The following ZHX3 variants were observed in gnomAD, a reference collection of about 807,000 sequenced individuals.
ZHX3 encodes zinc fingers and homeoboxes 3, also known as zinc fingers and homeoboxes protein 3.
In ZHX3, 20 loss-of-function variants were observed where a neutral mutation model predicts 64.5. That is an observed-to-expected ratio of 0.31 (90% CI 0.22 to 0.45). ZHX3 has a LOEUF of 0.45. ZHX3 is among the 20% of genes least tolerant of loss of function. ZHX3 has a pLI of 1.00. For synonymous variants in ZHX3, 423 were observed against 461.6 expected, an observed-to-expected ratio of 0.92 and a Z score of 1.07; for missense variants, 1,041 against 1,195.8, an observed-to-expected ratio of 0.87 and a Z score of 1.91.
chr20:41,197,039 A>G (rs1004002263), intron 3 of ZHX3: 3 of 209,124 alleles, frequency 1.4e-5, no homozygotes, highest in South Asian at 1.9e-4. Flanking sequence ...AAGCAGCTCT[A>G]TGACACTGAT....
intron 1 of ZHX3, among the ~76,000 whole-genome samples, chr20:41,279,832 T>TATAGAACCATATG (rs2043581387): frequency 6.6e-6 from 1 of 152,056 alleles, no homozygotes; most frequent in Non-Finnish European, 1.5e-5. Flanking sequence ...ACTCTAAAAC[T>TATAGAACCATATG]GTGAATATAA....
In ZHX3 at chr20:41,302,518, G is replaced by A. The variant is rs536642740; in HGVS notation, c.-245+14991C>T. ...CTTCTCCATTCCCTCCTGGGGTTGC[G>A]CAGGTCCTGCACCTCACTCTTCTCA... is the stretch of plus-strand genomic sequence containing the variant. On this transcript the variant is annotated intron_variant, in intron 1 of 3. Transcript: ENST00000683867. Among the ~76,000 whole-genome samples the A allele has an allele frequency of 8.5e-4, 129 of 152,262 alleles. 1 individual carries two copies. Among genetic ancestry groups the A allele is most frequent in the South Asian group, 1.9e-3 (9 of 4,830 alleles).
At chr20:41,315,866 T>C (rs950155159) in intron 1 of ZHX3, among the ~76,000 whole-genome samples, 3 of 152,090 alleles carry the variant, frequency 2.0e-5, no homozygotes, top group African/African-American at 7.2e-5. Flanking sequence ...GTTTTTTTTG[T>C]TTTGTTTTGT....
At chr20:41,186,965 G>A (rs959031988) in intron 3 of ZHX3, among the ~76,000 whole-genome samples, 11 of 152,086 alleles carry the variant, frequency 7.2e-5, no homozygotes, top group Non-Finnish European at 1.5e-4. Flanking sequence ...AAAAGTTTTA[G>A]ATTTTGACGT....
At chr20:41,270,295 G>A (rs150914570) in intron 1 of ZHX3, among the ~76,000 whole-genome samples, 1 of 143,580 alleles carries the variant, frequency 7.0e-6, no homozygotes, top group Non-Finnish European at 1.5e-5. Context: ...CAGAAGACTT[G>A]AACCCAGGAA....
In ZHX3 at chr20:41,185,101, G is replaced by A. The variant is rs370636879; in HGVS notation, c.*90C>T. 1.1e-3 allele frequency: 1,698 copies of A among 1,572,110 alleles called. 37 individuals carry two copies. The South Asian group carries it at 0.016, about 15-fold the overall frequency. ...GTGCCCAGCAGCCGGGCATGGGAAC[G>A]GCATGTGGCAGCAGAGAGTCGGGTT... On this transcript the variant is annotated 3_prime_UTR_variant, in exon 4 of 4. Coordinates refer to ENST00000683867, the MANE Select transcript of ZHX3 (RefSeq NM_001384317.1). The surrounding 1 kb of genome is among the most constrained non-coding windows in gnomAD (Gnocchi z 5.0).
chr20:41,183,834 T>C lies in ZHX3; in HGVS notation c.*1357A>G, dbSNP rs933346421. The C allele has an allele frequency of 6.6e-6, 1 of 152,204 alleles. No homozygotes were observed. The highest frequency in any genetic ancestry group is 1.5e-5 in the Non-Finnish European group (1 of 68,036). 9.4% of individuals were successfully genotyped at this position (152,204 alleles called of 1,614,324 possible). ...TTGAGGATTTACCATTTAGAACAGC[T>C]CTGTAAGCAAGTTTTCTAATTTTCA... On this transcript the variant is annotated 3_prime_UTR_variant, in exon 4 of 4. Coordinates refer to ENST00000683867, the MANE Select transcript of ZHX3 (RefSeq NM_001384317.1). The surrounding 1 kb of genome is among the most constrained non-coding windows in gnomAD (Gnocchi z 5.3).
intron 1 of ZHX3, among the ~76,000 whole-genome samples, chr20:41,296,819 T>C (rs1438576777): frequency 6.6e-6 from 1 of 152,216 alleles, no homozygotes; most frequent in Non-Finnish European, 1.5e-5. Context: ...ATTCTACTTG[T>C]GGCGTATGCA....
chr20:41,302,234 G>A (rs538090680), intron 1 of ZHX3, among the ~76,000 whole-genome samples: 2 of 152,250 alleles, frequency 1.3e-5, no homozygotes, highest in African/African-American at 4.8e-5. Flanking sequence ...CCAGGCCCTA[G>A]CTCATTTCTC....
At position 41,204,161 on chromosome 20, in the gene ZHX3, G is replaced by A. The variant is rs111592779; in HGVS notation, c.756C>T (p.Ala252=). 3.6e-3 allele frequency: 5,739 copies of A among 1,608,116 alleles called. 172 individuals are homozygous for A. The African/African-American group carries it at 0.064, about 18-fold the overall frequency. ...ASASSAKNPH[A]ANGPLIGTVP... is the part of the protein sequence containing the mutation. Reference sequence around the variant, plus strand: ...CTGTTCCTATCAGGGGCCCGTTGGCGGCATGGGGGTTTTTTGCAGAGCTGG... The same window carrying A: ...CTGTTCCTATCAGGGGCCCGTTGGCAGCATGGGGGTTTTTTGCAGAGCTGG... Residue 252 remains alanine, a synonymous_variant, in exon 3 of 4, where the codon GCC becomes GCT. Transcript: ENST00000683867. This position sits in a 1 kb window ranked among gnomAD's most constrained non-coding sequence, Gnocchi z 6.6.
intron 1 of ZHX3, among the ~76,000 whole-genome samples, chr20:41,307,472 T>C (rs1305766485): frequency 6.6e-6 from 1 of 152,212 alleles, no homozygotes. Flanking sequence ...CATACCACTA[T>C]ATATCCCATT....
rs2040162431 is a variant in ZHX3, at chr20:41,224,855, TG to T, written c.-150-19790del. 2.0e-5 allele frequency among the ~76,000 whole-genome samples: 3 copies of T among 152,354 alleles called. No individual in the cohort carries two copies. In the South Asian group the frequency reaches 6.2e-4, roughly 32 times the overall value. On this transcript the variant is annotated intron_variant, in intron 2 of 3. Transcript: ENST00000683867. This position sits in a 1 kb window ranked among gnomAD's most constrained non-coding sequence, Gnocchi z 5.2. ...TTTGGGGGCTCCCCCAAATCCAAGC[TG>T]AATTATTCTCTATCACAGCATCCTA...
At chr20:41,193,317 C>G (rs1352679551) in intron 3 of ZHX3, among the ~76,000 whole-genome samples, 1 of 152,148 alleles carries the variant, frequency 6.6e-6, no homozygotes, top group Admixed American at 6.5e-5. Context: ...TTTAGGTTAT[C>G]TTTAATGTTT....
chr20:41,316,673 T>C (rs2045296676), intron 1 of ZHX3, among the ~76,000 whole-genome samples: 1 of 152,170 alleles, frequency 6.6e-6, no homozygotes, highest in African/African-American at 2.4e-5. Flanking sequence ...CACATAAGTT[T>C]CTCGCAGGGC....
chr20:41,193,458 A>C (rs965802654), intron 3 of ZHX3, among the ~76,000 whole-genome samples: 1 of 152,026 alleles, frequency 6.6e-6, no homozygotes, highest in African/African-American at 2.4e-5. Context: ...CAGATTGTTC[A>C]TTGCAAGTGT....
At chr20:41,220,256 G>A (rs1007706728) in intron 2 of ZHX3, among the ~76,000 whole-genome samples, 4 of 152,284 alleles carry the variant, frequency 2.6e-5, no homozygotes, top group South Asian at 2.1e-4. Flanking sequence ...ATTAGAGCTC[G>A]AAGGATGAAT....
At position 41,193,680 on chromosome 20, in the gene ZHX3, T is replaced by G. The variant is rs530752798; in HGVS notation, c.2860+8377A>C. 7.3e-5 allele frequency among the ~76,000 whole-genome samples: 11 copies of G among 150,998 alleles called. No individual in the cohort carries two copies. In the South Asian group the frequency reaches 8.4e-4, roughly 12 times the overall value. ...TAACTATTTTTGTGTGTGTGTGGAT[T>G]CAAGTTTTTTTTTTGTTGTTGTTGT... On this transcript the variant is annotated intron_variant, in intron 3 of 3. Coordinates refer to ENST00000683867, the MANE Select transcript of ZHX3 (RefSeq NM_001384317.1).
At chr20:41,281,108 G>A (rs1169670488) in intron 1 of ZHX3, among the ~76,000 whole-genome samples, 1 of 152,166 alleles carries the variant, frequency 6.6e-6, no homozygotes, top group African/African-American at 2.4e-5. Context: ...CATGCTAACT[G>A]TAACAAAAGG....
chr20:41,299,128 AC>A (rs1449807994), intron 1 of ZHX3, among the ~76,000 whole-genome samples: 1 of 152,178 alleles, frequency 6.6e-6, no homozygotes, highest in African/African-American at 2.4e-5. Context: ...AGCATTTCTC[AC>A]CCTGCTAACA....
Sources: gnomAD v4.1 joint callset for allele counts (sites outside exome capture counted in the v4.1 genomes callset) on GRCh38, gnomAD v4.1.1 for gene constraint, Gnocchi (gnomAD v3.1) non-coding constraint, MANE v1.5 for transcripts, NCBI Gene and HGNC (gene_info 2026-07-23, HGNC 2026-07-21) for gene names.